The following MACROD1 variants were observed in gnomAD, a reference collection of about 807,000 sequenced individuals.
The protein encoded by MACROD1 is ADP-ribose glycohydrolase MACROD1.
Under a neutral mutation model 41.4 loss-of-function variants are expected in MACROD1, and 31 were observed. That is an observed-to-expected ratio of 0.75 (90% CI 0.56 to 1.01). The LOEUF is 1.01. Ranked by LOEUF, MACROD1 falls within the 50% of genes least tolerant of loss-of-function variation. MACROD1 has a pLI of 0.00. For missense variants in MACROD1, 473 were observed against 460.0 expected, an observed-to-expected ratio of 1.03 and a Z score of -0.26; for synonymous variants, 252 against 203.4, an observed-to-expected ratio of 1.24 and a Z score of -2.03.
chr11:64,123,906 G>T (rs1231026518), intron 3 of MACROD1, among the ~76,000 whole-genome samples: 1 of 152,196 alleles, frequency 6.6e-6, no homozygotes, highest in Non-Finnish European at 1.5e-5. Flanking sequence ...CACTAGATGG[G>T]GACGTGGCAG....
intron 3 of MACROD1, among the ~76,000 whole-genome samples, chr11:64,065,769 G>A (rs370852406): frequency 1.1e-3 from 158 of 138,012 alleles, no homozygotes; most frequent in South Asian, 3.9e-3. Flanking sequence ...CAGCCTGGGC[G>A]ACAGAGCACG....
chr11:64,041,199 T>TA (rs71045724), intron 3 of MACROD1, among the ~76,000 whole-genome samples: 5,121 of 21,622 alleles, frequency 0.24, 1,869 homozygotes, highest in Non-Finnish European at 0.35. Context: ...TAGCAAACTG[T>TA]AAAAAAAAAA....
intron 3 of MACROD1, among the ~76,000 whole-genome samples, chr11:64,099,717 T>C (rs1565231978): frequency 1.4e-5 from 2 of 145,460 alleles, no homozygotes; most frequent in African/African-American, 2.6e-5. Context: ...GATGGAGAGA[T>C]AGATGGAAGG....
At chr11:64,043,601 C>G (rs12420136) in intron 3 of MACROD1, among the ~76,000 whole-genome samples, 11,018 of 152,172 alleles carry the variant, frequency 0.072, 513 homozygotes, top group Non-Finnish European at 0.12. Context: ...AAGCATGGGG[C>G]TCAAATGTCA....
chr11:64,075,968 C>T (rs1488977847), intron 3 of MACROD1, among the ~76,000 whole-genome samples: 1 of 152,232 alleles, frequency 6.6e-6, no homozygotes, highest in Non-Finnish European at 1.5e-5. Flanking sequence ...GCCACTGTGC[C>T]CGGCCTGGCC....
chr11:64,055,539 A>G lies in MACROD1; in HGVS notation c.518-40258T>C, dbSNP rs116288337. Among the ~76,000 whole-genome samples the G allele has an allele frequency of 2.7e-3, 417 of 152,216 alleles. 2 individuals are homozygous for G. Among genetic ancestry groups the G allele is most frequent in the African/African-American group, 9.6e-3 (398 of 41,548 alleles). Reference sequence around the variant, plus strand: ...CTAAAGAGGAGCGGGGGAACCTTTCACTGGTGTCCTTTCCAGCACGGAGCA... The same window carrying G: ...CTAAAGAGGAGCGGGGGAACCTTTCGCTGGTGTCCTTTCCAGCACGGAGCA... On this transcript the variant is annotated intron_variant, in intron 3 of 10. Coordinates refer to ENST00000255681, the MANE Select transcript of MACROD1 (RefSeq NM_014067.4).
chr11:64,141,788 CAG>C (rs1945417776), intron 3 of MACROD1, among the ~76,000 whole-genome samples: 1 of 152,196 alleles, frequency 6.6e-6, no homozygotes. Context: ...GGGTAGGAGG[CAG>C]GGTGGCCACC....
intron 3 of MACROD1, among the ~76,000 whole-genome samples, chr11:64,061,196 C>T (rs1274273437): frequency 6.6e-6 from 1 of 152,226 alleles, no homozygotes; most frequent in Non-Finnish European, 1.5e-5. Flanking sequence ...GTAAATAAGT[C>T]CCCCGCTTCT....
chr11:64,084,811 C>T (rs1044623077), intron 3 of MACROD1, among the ~76,000 whole-genome samples: 1 of 152,174 alleles, frequency 6.6e-6, no homozygotes, highest in Non-Finnish European at 1.5e-5. Flanking sequence ...AGAACCGTAG[C>T]CCCAAGGTCC....
In MACROD1 at chr11:64,067,999, C is replaced by A. The variant is rs1160966510; in HGVS notation, c.518-52718G>T. ...ATTTAAAACAGCCTTGCAATAAAAG[C>A]TCAGAACGGAAAACCGCCGGTCTTG... On this transcript the variant is annotated intron_variant, in intron 3 of 10. Coordinates refer to ENST00000255681, the MANE Select transcript of MACROD1 (RefSeq NM_014067.4). The surrounding 1 kb of genome is among the most constrained non-coding windows in gnomAD (Gnocchi z 4.6). 6.6e-6 allele frequency among the ~76,000 whole-genome samples: 1 copy of A among 152,174 alleles called. No homozygotes were observed. The highest frequency in any genetic ancestry group is 1.5e-5 in the Non-Finnish European group (1 of 68,020).
intron 3 of MACROD1, among the ~76,000 whole-genome samples, chr11:64,071,169 T>A (rs76233005): frequency 0.052 from 7,851 of 152,086 alleles, 249 homozygotes; most frequent in South Asian, 0.14. Flanking sequence ...AATAACCTCC[T>A]CTAAGGCCCC....
chr11:63,999,342 G>A lies in MACROD1; in HGVS notation c.880C>T (p.His294Tyr), dbSNP rs1179854972. Residue 294 changes from histidine (H) to tyrosine (Y), a missense_variant, in exon 8 of 11, where the codon CAC becomes TAC. Transcript: ENST00000255681. ...GGCCCAGGACTCACCTTGTCCTTGT[G>A]CTGCTCCAGCCACTCTCGCAGCGTG... ...LATLREWLEQHKDKVDRLIIC... is the reference protein window; with the variant it reads ...LATLREWLEQYKDKVDRLIIC... 6.4e-7 allele frequency: 1 copy of A among 1,567,990 alleles called. No individual in the cohort carries two copies.
chr11:64,065,682 T>C (rs969690433), intron 3 of MACROD1, among the ~76,000 whole-genome samples: 3 of 147,638 alleles, frequency 2.0e-5, no homozygotes, highest in South Asian at 4.3e-4. Flanking sequence ...CCCAGCTACT[T>C]GGGAGGCTGA....
At chr11:64,159,537 G>A (rs1945721689) in intron 1 of MACROD1, among the ~76,000 whole-genome samples, 2 of 151,660 alleles carry the variant, frequency 1.3e-5, no homozygotes, top group East Asian at 1.9e-4. Context: ...GCTCACTCCT[G>A]TAATCCCAGC....
chr11:64,165,249 A>G (rs1249436123), intron 1 of MACROD1, among the ~76,000 whole-genome samples: 1 of 152,142 alleles, frequency 6.6e-6, no homozygotes. Context: ...ATTCCCGAAC[A>G]CTTAAGAACC....
At chr11:64,135,726 C>T (rs922898940) in intron 3 of MACROD1, among the ~76,000 whole-genome samples, 2 of 152,318 alleles carry the variant, frequency 1.3e-5, no homozygotes, top group African/African-American at 4.8e-5. Context: ...CAGCCTTCCC[C>T]GCGCCAGGTG....
intron 3 of MACROD1, among the ~76,000 whole-genome samples, chr11:64,026,386 C>T (rs1418332113): frequency 1.3e-5 from 2 of 152,130 alleles, no homozygotes; most frequent in African/African-American, 4.8e-5. Flanking sequence ...CACCCATTCT[C>T]CCACTGACCC....
chr11:64,166,070 A>T lies in MACROD1; in HGVS notation c.-76T>A. 1 of 1,225,876 alleles carries T rather than the reference A, an allele frequency of 8.2e-7. No individual in the cohort carries two copies. The highest frequency in any genetic ancestry group is 1.0e-6 in the Non-Finnish European group (1 of 984,084). The allele number at this position is 1,225,876 out of a possible 1,614,324, so 75.9% of individuals were successfully genotyped here. A position where few individuals can be genotyped will look rare whatever the true frequency, so the allele number is the denominator to read the frequency against. Reference sequence around the variant, plus strand: ...GCTCGGGAGTGTCTCTCCCTTATTTACTCTGGGACCGGGTGGCGACTGCCA... The same window carrying T: ...GCTCGGGAGTGTCTCTCCCTTATTTTCTCTGGGACCGGGTGGCGACTGCCA... On this transcript the variant is annotated 5_prime_UTR_variant, in exon 1 of 11. Coordinates refer to ENST00000255681, the MANE Select transcript of MACROD1 (RefSeq NM_014067.4).
chr11:64,124,511 T>G (rs1945148114), intron 3 of MACROD1, among the ~76,000 whole-genome samples: 1 of 152,218 alleles, frequency 6.6e-6, no homozygotes, highest in Non-Finnish European at 1.5e-5. Flanking sequence ...AGAAAGATTC[T>G]TTTTGCTCTC....
Sources: gnomAD v4.1 joint callset for allele counts (sites outside exome capture counted in the v4.1 genomes callset) on GRCh38, gnomAD v4.1.1 for gene constraint, Gnocchi (gnomAD v3.1) non-coding constraint, MANE v1.5 for transcripts, NCBI Gene and HGNC (gene_info 2026-07-23, HGNC 2026-07-21) for gene names.